The following TENM1 variants were observed in gnomAD, a reference collection of about 807,000 sequenced individuals.
TENM1 encodes teneurin-1.
TENM1 carries 35 observed loss-of-function variants against 174.8 expected under a neutral mutation model. The ratio of observed to expected loss-of-function variants is 0.20; its 90% CI spans 0.15 to 0.27. The LOEUF (loss-of-function observed/expected upper bound fraction) is 0.27. Ranked by LOEUF, TENM1 falls within the 10% of genes least tolerant of loss-of-function variation. The pLI is 1.00. For synonymous variants in TENM1, 781 were observed against 798.7 expected, an observed-to-expected ratio of 0.98 and a Z score of 0.37; for missense variants, 1,633 against 2,130.1, an observed-to-expected ratio of 0.77 and a Z score of 4.59.
chrX:124,688,821 C>T (rs189693796), intron 5 of TENM1: 9 of 111,735 alleles, frequency 8.1e-5, no homozygotes, highest in African/African-American at 2.9e-4. Context: ...GACCATTGTT[C>T]CTTCTTTCCT....
chrX:124,769,944 A>G (rs1280239070), intron 3 of TENM1, among the ~76,000 whole-genome samples: 1 of 111,654 alleles, frequency 9.0e-6, no homozygotes, highest in Non-Finnish European at 1.9e-5. Context: ...TGTTAGAATG[A>G]AAGGACTGAG....
chrX:124,855,915 A>G (rs2056807036), intron 3 of TENM1, among the ~76,000 whole-genome samples: 1 of 111,492 alleles, frequency 9.0e-6, no homozygotes, highest in African/African-American at 3.2e-5. Context: ...TTTGTGGAGA[A>G]GTGTGGGAAG....
intron 15 of TENM1, among the ~76,000 whole-genome samples, chrX:124,536,696 G>A (rs1161804289): frequency 4.5e-5 from 5 of 111,696 alleles, no homozygotes; most frequent in African/African-American, 9.7e-5. Flanking sequence ...TCAGGACTGC[G>A]TAAGTGCCAG....
chrX:125,080,816 C>T, the TENM1 span, among the ~76,000 whole-genome samples: 3 of 110,197 alleles, frequency 2.7e-5, no homozygotes, highest in Non-Finnish European at 3.8e-5. Context: ...CCTCTCAAGG[C>T]TTCAGTTCTG....
At chrX:124,612,061 T>C (rs770283560) in intron 11 of TENM1, among the ~76,000 whole-genome samples, 3 of 112,263 alleles carry the variant, frequency 2.7e-5, no homozygotes, top group Non-Finnish European at 5.6e-5. Flanking sequence ...AAATGATCCT[T>C]TTAAAGATGA....
At chrX:124,749,640 A>G (rs761324595) in intron 3 of TENM1, among the ~76,000 whole-genome samples, 3 of 112,181 alleles carry the variant, frequency 2.7e-5, no homozygotes, top group African/African-American at 9.7e-5. Context: ...TAAATAGTAT[A>G]TACAAAAATA....
the TENM1 span, among the ~76,000 whole-genome samples, chrX:125,121,615 C>G: frequency 2.7e-5 from 3 of 111,958 alleles, no homozygotes; most frequent in Admixed American, 9.5e-5. Flanking sequence ...ACAATTTCTA[C>G]AGTAGCATAT....
chrX:125,002,261 C>A, the TENM1 span, among the ~76,000 whole-genome samples: 1 of 111,339 alleles, frequency 9.0e-6, no homozygotes, highest in Non-Finnish European at 1.9e-5. Context: ...TCCTATAGCA[C>A]CCTGGTCTTT....
the TENM1 span, among the ~76,000 whole-genome samples, chrX:125,156,655 A>T: frequency 8.9e-6 from 1 of 112,043 alleles, no homozygotes; most frequent in African/African-American, 3.2e-5. Context: ...TATCCAGTCC[A>T]TCATGGATGG....
At chrX:124,711,520 C>T (rs751126674) in intron 4 of TENM1, among the ~76,000 whole-genome samples, 19 of 111,510 alleles carry the variant, frequency 1.7e-4, no homozygotes, top group Non-Finnish European at 2.8e-4. Flanking sequence ...ATTCCCTTAG[C>T]TATAAGCATC....
chrX:124,686,101 CAAGAG>C (rs763124281), intron 5 of TENM1, among the ~76,000 whole-genome samples: 1 of 100,706 alleles, frequency 9.9e-6, no homozygotes, highest in Non-Finnish European at 1.9e-5. Context: ...TTGAAAACAG[CAAGAG>C]AAAAGTGGCC....
At chrX:124,447,455 C>T (rs184629932) in intron 23 of TENM1, among the ~76,000 whole-genome samples, 74 of 111,775 alleles carry the variant, frequency 6.6e-4, no homozygotes, top group Non-Finnish European at 1.3e-3. Context: ...CCTCTTCTTC[C>T]CAGCCAAACA....
chrX:125,078,631 T>G, the TENM1 span, among the ~76,000 whole-genome samples: 2 of 111,529 alleles, frequency 1.8e-5, no homozygotes, highest in Non-Finnish European at 3.8e-5. Context: ...TTATTAAAAT[T>G]TATAATGCAT....
intron 22 of TENM1, among the ~76,000 whole-genome samples, chrX:124,464,256 C>T (rs111667894): frequency 0.16 from 17,591 of 110,804 alleles, 1,160 homozygotes; most frequent in Non-Finnish European, 0.21. Flanking sequence ...AGTTGTTGCA[C>T]TCTAGGGAAA....
At chrX:124,847,671 A>G (rs1283300657) in intron 3 of TENM1, among the ~76,000 whole-genome samples, 1 of 111,727 alleles carries the variant, frequency 9.0e-6, no homozygotes. Flanking sequence ...CTCAGAATAT[A>G]TCTGTCAGAA....
chrX:125,022,745 C>T, the TENM1 span, among the ~76,000 whole-genome samples: 1 of 111,324 alleles, frequency 9.0e-6, no homozygotes, highest in East Asian at 2.8e-4. Flanking sequence ...ACAATATTTC[C>T]CCCTGAGGTA....
chrX:125,037,528 A>G, the TENM1 span, among the ~76,000 whole-genome samples: 1 of 110,847 alleles, frequency 9.0e-6, no homozygotes, highest in Non-Finnish European at 1.9e-5. Context: ...CTTAAAGGCC[A>G]TACTGGGCCC....
intron 3 of TENM1, among the ~76,000 whole-genome samples, chrX:124,882,698 T>A (rs2057322059): frequency 8.9e-6 from 1 of 112,354 alleles, no homozygotes; most frequent in Non-Finnish European, 1.9e-5. Flanking sequence ...ATGTGATGCC[T>A]CCAGCTTCAT....
chrX:124,881,421 T>C (rs2057299548), intron 3 of TENM1, among the ~76,000 whole-genome samples: 1 of 108,862 alleles, frequency 9.2e-6, no homozygotes, highest in African/African-American at 3.4e-5. Context: ...GTCTACTCTC[T>C]TTTTTTTTGG....
Sources: allele counts gnomAD v4.1 joint callset (sites outside exome capture counted in the v4.1 genomes callset), GRCh38; gene constraint gnomAD v4.1.1; transcripts MANE v1.5; gene names NCBI Gene and HGNC (gene_info 2026-07-23, HGNC 2026-07-21).